CDH12: variants seen among roughly 807,000 people sequenced by gnomAD.
The protein encoded by CDH12 is cadherin-12.
Under a neutral mutation model 74.1 loss-of-function variants are expected in CDH12, and 41 were observed. The observed-to-expected ratio is 0.55, with a 90% CI of 0.43 to 0.72. The LOEUF (loss-of-function observed/expected upper bound fraction) is 0.72, where lower values mean the gene tolerates loss of function less well. CDH12 is among the 30% of genes least tolerant of loss of function. The probability of loss-of-function intolerance (pLI) is 0.00; values close to 1 mark genes in which losing one functional copy is unlikely to be tolerated. For synonymous variants in CDH12, 399 were observed against 355.0 expected, an observed-to-expected ratio of 1.12 and a Z score of -1.39; for missense variants, 945 against 977.2, an observed-to-expected ratio of 0.97 and a Z score of 0.44.
intron 1 of CDH12, among the ~76,000 whole-genome samples, chr5:22,696,006 T>C (rs940939621): frequency 2.0e-5 from 3 of 152,176 alleles, no homozygotes; most frequent in African/African-American, 7.2e-5. Flanking sequence ...TTAAATTAGA[T>C]AAACCTGTCT....
chr5:21,907,612 C>T (rs1038606049), intron 6 of CDH12, among the ~76,000 whole-genome samples: 1 of 152,128 alleles, frequency 6.6e-6, no homozygotes, highest in African/African-American at 2.4e-5. Context: ...AGCTCTACCC[C>T]GGGAGCTAAG....
chr5:22,080,851 C>A (rs572318465), intron 4 of CDH12, among the ~76,000 whole-genome samples: 82 of 152,146 alleles, frequency 5.4e-4, no homozygotes, highest in Non-Finnish European at 9.3e-4. Context: ...GTAATCTCAG[C>A]TCATTGCAAT....
intron 1 of CDH12, among the ~76,000 whole-genome samples, chr5:22,769,342 C>T (rs1341745654): frequency 1.3e-5 from 2 of 152,072 alleles, no homozygotes; most frequent in African/African-American, 2.4e-5. Context: ...TATCTTTCTC[C>T]GTCCTGTGCT....
At chr5:22,697,074 A>G (rs1481796203) in intron 1 of CDH12, among the ~76,000 whole-genome samples, 1 of 152,176 alleles carries the variant, frequency 6.6e-6, no homozygotes, top group Non-Finnish European at 1.5e-5. Context: ...AGCGCATTTC[A>G]CTAGGGGAAT....
At chr5:21,838,995 T>A (rs762564898) in intron 8 of CDH12, among the ~76,000 whole-genome samples, 3 of 152,200 alleles carry the variant, frequency 2.0e-5, no homozygotes, top group Non-Finnish European at 4.4e-5. Flanking sequence ...ATACACTGGC[T>A]ATTTCCTACA....
intron 3 of CDH12, among the ~76,000 whole-genome samples, chr5:22,315,326 C>G (rs756571452): frequency 2.1e-4 from 32 of 151,598 alleles, no homozygotes; most frequent in Admixed American, 2.0e-4. Flanking sequence ...TAAACAACAA[C>G]AACAGCAAAA....
chr5:22,808,605 C>CTTTT (rs34567315), intron 1 of CDH12, among the ~76,000 whole-genome samples: 21 of 111,468 alleles, frequency 1.9e-4, no homozygotes, highest in African/African-American at 3.7e-4. Flanking sequence ...CTTTTCTTGT[C>CTTTT]TTTTTTTTTT....
chr5:22,762,355 C>T (rs1746270472), intron 1 of CDH12, among the ~76,000 whole-genome samples: 1 of 151,994 alleles, frequency 6.6e-6, no homozygotes, highest in South Asian at 2.1e-4. Flanking sequence ...TTTTATCTTA[C>T]ACATTTGTTA....
At chr5:22,445,236 T>C (rs1427972509) in intron 2 of CDH12, among the ~76,000 whole-genome samples, 1 of 151,980 alleles carries the variant, frequency 6.6e-6, no homozygotes, top group Non-Finnish European at 1.5e-5. Flanking sequence ...GTTGGGAAAA[T>C]GGATGGATAC....
chr5:22,248,953 A>G (rs1223335665), intron 3 of CDH12, among the ~76,000 whole-genome samples: 1 of 152,174 alleles, frequency 6.6e-6, no homozygotes, highest in Non-Finnish European at 1.5e-5. Context: ...TACAATATAT[A>G]CAATTCTACT....
chr5:22,083,265 T>G (rs1486061980), intron 4 of CDH12, among the ~76,000 whole-genome samples: 1 of 152,226 alleles, frequency 6.6e-6, no homozygotes, highest in Non-Finnish European at 1.5e-5. Context: ...AATCGACCTC[T>G]GCATGTTCAA....
chr5:21,920,331 A>C (rs1037719670), intron 6 of CDH12, among the ~76,000 whole-genome samples: 8 of 152,200 alleles, frequency 5.3e-5, no homozygotes, highest in South Asian at 2.1e-4. Context: ...TGGCTTGCCT[A>C]TAAAGTCAGA....
chr5:22,415,378 C>A (rs546811209), intron 2 of CDH12, among the ~76,000 whole-genome samples: 1 of 152,160 alleles, frequency 6.6e-6, no homozygotes, highest in Admixed American at 6.5e-5. Context: ...ATTCTTCCCC[C>A]TTTTGTGTCC....
intron 1 of CDH12, among the ~76,000 whole-genome samples, chr5:22,685,338 A>G (rs1013849916): frequency 6.6e-6 from 1 of 152,094 alleles, no homozygotes; most frequent in Non-Finnish European, 1.5e-5. Flanking sequence ...CCTGGGTTCA[A>G]GTGATTGTCT....
At chr5:22,320,015 A>C (rs1363314210) in intron 3 of CDH12, among the ~76,000 whole-genome samples, 2 of 152,194 alleles carry the variant, frequency 1.3e-5, no homozygotes, top group Non-Finnish European at 1.5e-5. Context: ...CTGGGAGACC[A>C]CATTCTCAAG....
intron 4 of CDH12, among the ~76,000 whole-genome samples, chr5:22,174,250 C>T (rs1242199092): frequency 2.0e-5 from 3 of 151,936 alleles, no homozygotes; most frequent in African/African-American, 7.2e-5. Context: ...TAAAGCTCTA[C>T]TTCTCTTGTA....
At chr5:22,373,042 G>A (rs557805055) in intron 3 of CDH12, among the ~76,000 whole-genome samples, 2 of 152,086 alleles carry the variant, frequency 1.3e-5, no homozygotes, top group Non-Finnish European at 2.9e-5. Flanking sequence ...TTCTTCAGGA[G>A]GCCTGGGGAA....
rs141533838 is a variant in CDH12, at chr5:22,550,154, C to T, written c.-522-44790G>A. Among the ~76,000 whole-genome samples, 1,258 of 152,278 alleles carry T rather than the reference C, an allele frequency of 8.3e-3. 9 individuals are homozygous for T. The highest frequency in any genetic ancestry group is 0.013 in the Non-Finnish European group (863 of 68,010). On this transcript the variant is annotated intron_variant, in intron 1 of 14. Transcript: ENST00000382254. ...CACATCTCAGTACAATTTTCTGTCT[C>T]ATTTCCTGATTTCTCCTTCTCAGAT... is the stretch of plus-strand genomic sequence containing the variant.
chr5:21,898,171 T>G (rs530899221), intron 6 of CDH12, among the ~76,000 whole-genome samples: 38 of 152,124 alleles, frequency 2.5e-4, no homozygotes, highest in Non-Finnish European at 5.1e-4. Context: ...AAAATCTATA[T>G]GTAGGGCCTT....
Sources: allele counts gnomAD v4.1 joint callset (sites outside exome capture counted in the v4.1 genomes callset), GRCh38; gene constraint gnomAD v4.1.1; transcripts MANE v1.5; gene names NCBI Gene and HGNC (gene_info 2026-07-23, HGNC 2026-07-21).